Variants in RRP9 observed in about 807,000 individuals in gnomAD.
RRP9 encodes U3 small nucleolar RNA-interacting protein 2.
In RRP9, 35 loss-of-function variants were observed where a neutral mutation model predicts 65.5. The observed-to-expected ratio is 0.53, with a 90% CI of 0.41 to 0.71. The LOEUF (loss-of-function observed/expected upper bound fraction) is 0.71. Ranked by LOEUF, RRP9 falls within the 30% of genes least tolerant of loss-of-function variation. RRP9 has a pLI of 0.00. For missense variants in RRP9, 533 were observed against 633.6 expected, an observed-to-expected ratio of 0.84 and a Z score of 1.70; for synonymous variants, 254 against 245.0, an observed-to-expected ratio of 1.04 and a Z score of -0.34.
At position 51,934,865 on chromosome 3, in the gene RRP9, G is replaced by A. The variant is rs1699434878; in HGVS notation, c.1035-89C>T. 2.9e-6 allele frequency: 4 copies of A among 1,365,816 alleles called. No homozygotes were observed. Among genetic ancestry groups the A allele is most frequent in the Admixed American group, 2.0e-5 (1 of 50,390 alleles). The allele number at this position is 1,365,816 out of a possible 1,614,324, so 84.6% of individuals were successfully genotyped here. ...ACAAAGGATTAATGCTTGAGGGGAT[G>A]GATACCCCATTTCCCATGATGTGAT... On this transcript the variant is annotated intron_variant, in intron 11 of 14. Transcript: ENST00000232888. This position sits in a 1 kb window ranked among gnomAD's most constrained non-coding sequence, Gnocchi z 4.1.
In RRP9 at chr3:51,934,344, C is replaced by A; in HGVS notation, c.1260+128G>T. 1 of 917,290 alleles carries A rather than the reference C, an allele frequency of 1.1e-6. No homozygotes were observed. The highest frequency in any genetic ancestry group is 1.7e-5 in the African/African-American group (1 of 59,814). 56.8% of individuals were successfully genotyped at this position (917,290 alleles called of 1,614,324 possible). A position where few individuals can be genotyped will look rare whatever the true frequency, so the allele number is the denominator to read the frequency against. The stretch of plus-strand genomic sequence containing the variant: ...AAGTGGGGAGGGTTCCTGCCAGGCC[C>A]TGTGCTAGGAGCTGGCCCTGCCCTG... On this transcript the variant is annotated intron_variant, in intron 13 of 14. Coordinates refer to ENST00000232888, the MANE Select transcript of RRP9 (RefSeq NM_004704.5). The surrounding 1 kb of genome is among the most constrained non-coding windows in gnomAD (Gnocchi z 4.1).
chr3:51,937,132 C>G lies in RRP9; in HGVS notation c.517+60G>C. ...AGCCTGCCATGACCACTCCCACTCC[C>G]CTGACCAGCCCTCCCGGATCCGCCA... On this transcript the variant is annotated intron_variant, in intron 6 of 14. Transcript: ENST00000232888. The surrounding 1 kb of genome is among the most constrained non-coding windows in gnomAD (Gnocchi z 5.0). 1 of 1,599,786 alleles carries G rather than the reference C, an allele frequency of 6.3e-7. No homozygotes were observed. The highest frequency in any genetic ancestry group is 8.5e-7 in the Non-Finnish European group (1 of 1,172,322).
At chr3:51,940,290 G>A (rs1002715207) in intron 2 of RRP9, among the ~76,000 whole-genome samples, 2 of 152,034 alleles carry the variant, frequency 1.3e-5, no homozygotes, top group African/African-American at 4.8e-5. Flanking sequence ...CTTTCCATGA[G>A]CAAATTAAGG....
rs760237533 is a variant in RRP9 at position 51,937,781 on chromosome 3, T to C, written c.281-45A>G. ...CCAAGTAAACTGAGGCTGAGACCCCTCTTTCCCTTCCATCCTGTCCCCATC... is the reference window on the plus strand; with the variant it reads ...CCAAGTAAACTGAGGCTGAGACCCCCCTTTCCCTTCCATCCTGTCCCCATC... On this transcript the variant is annotated intron_variant, in intron 3 of 14. Transcript: ENST00000232888. The surrounding 1 kb of genome is among the most constrained non-coding windows in gnomAD (Gnocchi z 5.0). 116 of 1,605,140 alleles carry C rather than the reference T, an allele frequency of 7.2e-5. No individual in the cohort carries two copies. Among genetic ancestry groups the C allele is most frequent in the Middle Eastern group, 3.9e-4 (2 of 5,076 alleles).
At position 51,935,772 on chromosome 3, in the gene RRP9, C is replaced by A. The variant is rs930377976; in HGVS notation, c.736-80G>T. 36 of 1,231,264 alleles carry A rather than the reference C, an allele frequency of 2.9e-5. No homozygotes were observed. The African/African-American group carries it at 4.0e-4, about 14-fold the overall frequency. The allele number at this position is 1,231,264 out of a possible 1,614,324, so 76.3% of individuals were successfully genotyped here. A position where few individuals can be genotyped will look rare whatever the true frequency, so the allele number is the denominator to read the frequency against. ...CAGGTCAGGCCCAGGGAGGACTTCC[C>A]AAAAAGCAAGCCATGTGGCACGTGC... is the stretch of plus-strand genomic sequence containing the variant. On this transcript the variant is annotated intron_variant, in intron 8 of 14. Coordinates refer to ENST00000232888, the MANE Select transcript of RRP9 (RefSeq NM_004704.5).
In RRP9 at chr3:51,941,853, C is replaced by T. The variant is rs1341285715; in HGVS notation, c.15G>A (p.Ala5=). 2 of 1,582,286 alleles carry T rather than the reference C, an allele frequency of 1.3e-6. No individual in the cohort carries two copies. Among genetic ancestry groups the T allele is most frequent in the African/African-American group, 1.3e-5 (1 of 74,344 alleles). The change falls in exon 1 of 15, where the codon GCG becomes GCA. Residue 5 remains alanine, a synonymous_variant. Coordinates refer to ENST00000232888, the MANE Select transcript of RRP9 (RefSeq NM_004704.5). ...CCGGCTTTCCCCGCTTACGAGCAGC[C>T]GCTGTTGCCGACATGCTGCCCACCA... MSAT[A]AARKRGKPAS...
intron 2 of RRP9, among the ~76,000 whole-genome samples, chr3:51,938,975 A>T (rs561559823): frequency 9.1e-4 from 139 of 152,238 alleles, no homozygotes; most frequent in Admixed American, 1.6e-3. Flanking sequence ...TTTCCCCTCC[A>T]TGCCCCAGCC....
intron 6 of RRP9, among the ~76,000 whole-genome samples, chr3:51,936,956 T>C (rs571866044): frequency 6.6e-6 from 1 of 152,270 alleles, no homozygotes; most frequent in African/African-American, 2.4e-5. Context: ...CAGCATTAAT[T>C]CCCATTAAAT....
Position 51,936,509 on chromosome 3 carries a change from C to T in RRP9, c.564G>A (p.Lys188=). The T allele has an allele frequency of 6.2e-7, 1 of 1,614,180 alleles. No individual in the cohort carries two copies. Among genetic ancestry groups the T allele is most frequent in the Non-Finnish European group, 8.5e-7 (1 of 1,180,038 alleles). ...CAGGGGGCTTTCCCTCGGCACCCTTCTTGGCTCGAGGAATCACATGCAGCT... is the reference window on the plus strand; with the variant it reads ...CAGGGGGCTTTCCCTCGGCACCCTTTTTGGCTCGAGGAATCACATGCAGCT... ...GRKLHVIPRA[K]KGAEGKPPGH... is the part of the protein sequence containing the mutation. Residue 188 remains lysine (K), a synonymous_variant, in exon 7 of 15, where the codon AAG becomes AAA. Transcript: ENST00000232888.
chr3:51,933,819 C>T (rs376707579), intron 13 of RRP9, 38 bp from the exon 14 acceptor site: 75 of 1,584,860 alleles, frequency 4.7e-5, no homozygotes, highest in Non-Finnish European at 6.5e-5. Flanking sequence ...ATTAGAACGC[C>T]CCCCGCCACC....
chr3:51,935,155 G>A (rs772719528), intron 11 of RRP9, 42 bp downstream of exon 11: 14 of 1,605,856 alleles, frequency 8.7e-6, no homozygotes, highest in Non-Finnish European at 1.2e-5. Flanking sequence ...CCAGCACTCA[G>A]GAGCAGAAGC....
Position 51,941,592 on chromosome 3 carries a change from G to A in RRP9, c.88-101C>T, listed in dbSNP as rs543202557. 5.6e-6 allele frequency: 7 copies of A among 1,241,068 alleles called. No individual in the cohort carries two copies. The East Asian group carries it at 1.6e-4, about 29-fold the overall frequency. 76.9% of individuals were successfully genotyped at this position (1,241,068 alleles called of 1,614,324 possible). A position where few individuals can be genotyped will look rare whatever the true frequency, so the allele number is the denominator to read the frequency against. On this transcript the variant is annotated intron_variant, in intron 1 of 14. Coordinates refer to ENST00000232888, the MANE Select transcript of RRP9 (RefSeq NM_004704.5). ...GTTCCCTCAGAACCCCAGGAATGGG[G>A]AAGGCGGTGGTTCCCGGGTTAAGCG...
At chr3:51,935,783 C>G (rs1394748682) in intron 8 of RRP9, 91 bp from the exon 9 acceptor site, 1 of 1,063,580 alleles carries the variant, frequency 9.4e-7, no homozygotes, top group Non-Finnish European at 1.4e-6. Flanking sequence ...AAAAAGCAAG[C>G]CATGTGGCAC....
chr3:51,936,049 C>T (rs149738729), intron 8 of RRP9, among the ~76,000 whole-genome samples: 57 of 152,210 alleles, frequency 3.7e-4, no homozygotes, highest in African/African-American at 1.3e-3. Context: ...TCAAGGCCCT[C>T]GTTGATTCCT....
At chr3:51,938,909 G>A in intron 2 of RRP9, among the ~76,000 whole-genome samples, 1 of 152,172 alleles carries the variant, frequency 6.6e-6, no homozygotes, top group East Asian at 1.9e-4. Context: ...CTGGGAACAA[G>A]GTTCCAAGCG....
Position 51,935,480 on chromosome 3 carries a change from G to C in RRP9, c.837-4C>G, listed in dbSNP as rs1192892959. The C allele has an allele frequency of 6.2e-7, 1 of 1,614,114 alleles. No individual in the cohort carries two copies. Among genetic ancestry groups the C allele is most frequent in the East Asian group, 2.2e-5 (1 of 44,872 alleles). On this transcript the variant is annotated splice_polypyrimidine_tract_variant and splice_region_variant and intron_variant, in intron 9 of 14. Transcript: ENST00000232888. ...CACAGCGTCCTGGTGTCCGAAGCTAGAGGGCCGGGCAGAGCAGGATAGTGG... is the reference window on the plus strand; with the variant it reads ...CACAGCGTCCTGGTGTCCGAAGCTACAGGGCCGGGCAGAGCAGGATAGTGG...
Position 51,937,772 on chromosome 3 carries a change from TGA to T in RRP9, c.281-38_281-37del. On this transcript the variant is annotated intron_variant, in intron 3 of 14. Transcript: ENST00000232888. This position sits in a 1 kb window ranked among gnomAD's most constrained non-coding sequence, Gnocchi z 5.0. ...CAGACCAGACCAAGTAAACTGAGGC[TGA>T]GACCCCTCTTTCCCTTCCATCCTGT... The T allele has an allele frequency of 6.2e-7, 1 of 1,610,206 alleles. No homozygotes were observed. The highest frequency in any genetic ancestry group is 8.5e-7 in the Non-Finnish European group (1 of 1,177,410).
At position 51,936,474 on chromosome 3, in the gene RRP9, C is replaced by G. The variant is rs1699460952; in HGVS notation, c.599G>C (p.Ser200Thr). The change falls in exon 7 of 15, where the codon AGC becomes ACC. Residue 200 changes from serine (S) to threonine (T), a missense_variant. This residue lies in a region of RRP9 where 449 missense variants were observed against 550.6 expected (regional missense o/e 0.82). Coordinates refer to ENST00000232888, the MANE Select transcript of RRP9 (RefSeq NM_004704.5). ...GAEGKPPGHS[S>T]HVLCMAISSD... ...GGAGATGGCCATGCAGAGGACGTGG[C>G]TGCTGTGGCCAGGGGGCTTTCCCTC... 1 of 1,614,126 alleles carries G rather than the reference C, an allele frequency of 6.2e-7. No homozygotes were observed. The highest frequency in any genetic ancestry group is 8.5e-7 in the Non-Finnish European group (1 of 1,180,054).
In RRP9 at chr3:51,934,720, G is replaced by C. The variant is rs1699432621; in HGVS notation, c.1091C>G (p.Ala364Gly). The change falls in exon 12 of 15, where the codon GCT becomes GGT. Residue 364 changes from alanine (A) to glycine (G), a missense_variant. Ala to Gly is a moderately conservative substitution (Grantham distance 60, BLOSUM62 0). Coordinates refer to ENST00000232888, the MANE Select transcript of RRP9 (RefSeq NM_004704.5). This position sits in a 1 kb window ranked among gnomAD's most constrained non-coding sequence, Gnocchi z 4.1. ...GCCTGGCTCTCCCCGCAGCCCGTGA[G>C]CTTCACGCTGCAGGGCAAGTGGTCG... ...KKRPLALQREAHGLRGEPGLE... is the reference protein window; with the variant it reads ...KKRPLALQREGHGLRGEPGLE... 1 of 1,614,046 alleles carries C rather than the reference G, an allele frequency of 6.2e-7. No individual in the cohort carries two copies. The highest frequency in any genetic ancestry group is 1.3e-5 in the African/African-American group (1 of 74,940).
Sources: gnomAD v4.1 joint callset for allele counts (sites outside exome capture counted in the v4.1 genomes callset) on GRCh38, gnomAD v4.1.1 for gene constraint, gnomAD v4.1.1 regional missense constraint, Gnocchi (gnomAD v3.1) non-coding constraint, MANE v1.5 for transcripts, NCBI Gene and HGNC (gene_info 2026-07-23, HGNC 2026-07-21) for gene names.